The following TPCN1 variants were observed in gnomAD, a reference collection of about 807,000 sequenced individuals.
The protein encoded by TPCN1 is two pore channel protein 1.
TPCN1 carries 52 observed loss-of-function variants against 108.8 expected under a neutral mutation model. The observed-to-expected ratio is 0.48, with a 90% CI of 0.38 to 0.60. TPCN1 has a LOEUF of 0.60. TPCN1 is among the 20% of genes least tolerant of loss of function. The pLI, the probability that TPCN1 is intolerant of heterozygous loss-of-function variation, is 0.00. For missense variants in TPCN1, 806 were observed against 1,072.8 expected, an observed-to-expected ratio of 0.75 and a Z score of 3.47; for synonymous variants, 446 against 433.7, an observed-to-expected ratio of 1.03 and a Z score of -0.35.
intron 2 of TPCN1, among the ~76,000 whole-genome samples, chr12:113,235,805 T>C (rs1441137757): frequency 2.0e-5 from 3 of 152,074 alleles, no homozygotes; most frequent in Non-Finnish European, 4.4e-5. Flanking sequence ...GGAGATGGCG[T>C]GCTTCCTCTT....
Position 113,273,618 on chromosome 12 carries a change from GTCT to G in TPCN1, c.898_900del (p.Phe300del). The stretch of plus-strand genomic sequence containing the variant: ...CTACTCCCGGAACCCCTGGTCCTGC[GTCT>G]TCTTCATCGTGTACCTCTCCATCGA... On this transcript the variant is annotated inframe_deletion, in exon 10 of 28. Coordinates refer to ENST00000335509, the MANE Select transcript of TPCN1 (RefSeq NM_017901.6). The surrounding 1 kb of genome is among the most constrained non-coding windows in gnomAD (Gnocchi z 4.0). The G allele has an allele frequency of 6.2e-7, 1 of 1,614,184 alleles. No homozygotes were observed.
At chr12:113,228,482 G>A (rs1239425399) in intron 2 of TPCN1, among the ~76,000 whole-genome samples, 4 of 152,170 alleles carry the variant, frequency 2.6e-5, no homozygotes, top group African/African-American at 9.7e-5. Context: ...GGGTATGGTG[G>A]TGCATGCCTG....
intron 1 of TPCN1, among the ~76,000 whole-genome samples, chr12:113,222,539 C>T (rs1316299213): frequency 2.6e-5 from 4 of 152,184 alleles, no homozygotes; most frequent in African/African-American, 7.2e-5. Context: ...CAGACATTGC[C>T]GATGTCCCCA....
Position 113,290,174 on chromosome 12 carries a change from G to C in TPCN1, c.1843G>C (p.Gly615Arg), listed in dbSNP as rs765425007. The C allele has an allele frequency of 5.6e-6, 9 of 1,607,428 alleles. No individual in the cohort carries two copies. Among genetic ancestry groups the C allele is most frequent in the Non-Finnish European group, 7.6e-6 (9 of 1,176,882 alleles). Residue 615 changes from glycine to arginine, a missense_variant, in exon 22 of 28, where the codon GGC becomes CGC. Physicochemically the swap from Gly to Arg is moderately radical, Grantham distance 125. Coordinates refer to ENST00000335509, the MANE Select transcript of TPCN1 (RefSeq NM_017901.6). ...CTACCGCTGGCGCAACCACACCGTG[G>C]GCAACAGGACCGTGGTGGAGGAAGG... The part of the protein sequence containing the change: ...DAYRWRNHTV[G>R]NRTVVEEGYY...
chr12:113,244,651 G>T (rs1034717349), intron 2 of TPCN1: 40 of 985,322 alleles, frequency 4.1e-5, no homozygotes, highest in Admixed American at 3.1e-4. Flanking sequence ...CTTTCCCATG[G>T]TGTGGGGCTC....
chr12:113,295,813 C>G, intron 27 of TPCN1, 147 bp from the exon 28 acceptor site: 1 of 836,332 alleles, frequency 1.2e-6, no homozygotes, highest in Non-Finnish European at 1.8e-6. Flanking sequence ...CATTTCTGGG[C>G]CTGTGACGGG....
In TPCN1 at chr12:113,226,975, G is replaced by T. The variant is rs377766719; in HGVS notation, c.112+11G>T. 1 of 1,602,264 alleles carries T rather than the reference G, an allele frequency of 6.2e-7. No individual in the cohort carries two copies. Among genetic ancestry groups the T allele is most frequent in the Admixed American group, 1.7e-5 (1 of 57,398 alleles). On this transcript the variant is annotated intron_variant, in intron 2 of 27. Coordinates refer to ENST00000335509, the MANE Select transcript of TPCN1 (RefSeq NM_017901.6). Reference sequence around the variant, plus strand: ...AGCTACCTAGCAAAAGTAAGATGGTGGGGTGGGCTGGGGGGACCCCAGCTT... The same window carrying T: ...AGCTACCTAGCAAAAGTAAGATGGTTGGGTGGGCTGGGGGGACCCCAGCTT...
intron 2 of TPCN1, among the ~76,000 whole-genome samples, chr12:113,250,891 G>A (rs890739779): frequency 6.6e-6 from 1 of 151,984 alleles, no homozygotes; most frequent in Admixed American, 6.6e-5. Flanking sequence ...GCTTGAACCT[G>A]AGAAGTAGAG....
intron 2 of TPCN1, among the ~76,000 whole-genome samples, chr12:113,236,128 A>G (rs1953883570): frequency 6.6e-6 from 1 of 152,180 alleles, no homozygotes; most frequent in Non-Finnish European, 1.5e-5. Context: ...TTTTCAGGGT[A>G]GTGTCTGAAC....
Position 113,277,336 on chromosome 12 carries a change from C to G in TPCN1, c.1156C>G (p.Leu386Val), listed in dbSNP as rs755982736. Residue 386 changes from leucine to valine, a missense_variant, in exon 12 of 28, where the codon CTG (leucine) becomes GTG (valine). Transcript: ENST00000335509. ...GGAGCGCTATCTTACCTTCAAGGCC[C>G]TGAATCAGAACAACACACCCCTGCT... ...ARERYLTFKA[L>V]NQNNTPLLSL... is the part of the protein sequence containing the mutation. 2 of 1,614,186 alleles carry G rather than the reference C, an allele frequency of 1.2e-6. No individual in the cohort carries two copies. Among genetic ancestry groups the G allele is most frequent in the South Asian group, 1.1e-5 (1 of 91,086 alleles).
intron 2 of TPCN1, among the ~76,000 whole-genome samples, chr12:113,247,449 G>A (rs1359457162): frequency 1.3e-5 from 2 of 152,212 alleles, no homozygotes; most frequent in African/African-American, 4.8e-5. Flanking sequence ...CCGAGCCTTC[G>A]AGCATACCTT....
intron 2 of TPCN1, among the ~76,000 whole-genome samples, chr12:113,255,816 C>T (rs1402726934): frequency 6.6e-6 from 1 of 151,898 alleles, no homozygotes; most frequent in African/African-American, 2.4e-5. Context: ...AGGCATGAGC[C>T]ACTGTGCCTG....
rs770695289 is a variant in TPCN1, at chr12:113,284,543, T to A, written c.1343-38T>A. The stretch of plus-strand genomic sequence containing the variant: ...CGACCTGCAGATTTCTAAGCCCCCC[T>A]GTTATTTCTCTGTCTTTTACGGGCC... On this transcript the variant is annotated intron_variant, in intron 15 of 27. Transcript: ENST00000335509. The surrounding 1 kb of genome is among the most constrained non-coding windows in gnomAD (Gnocchi z 4.1). 4 of 1,612,294 alleles carry A rather than the reference T, an allele frequency of 2.5e-6. No homozygotes were observed. The Admixed American group carries it at 5.0e-5, about 20-fold the overall frequency.
Position 113,288,298 on chromosome 12 carries a change from G to A in TPCN1, c.1706+64G>A, listed in dbSNP as rs772908226. 8.7e-6 allele frequency: 14 copies of A among 1,608,646 alleles called. No homozygotes were observed. The highest frequency in any genetic ancestry group is 1.6e-4 in the Middle Eastern group (1 of 6,062). On this transcript the variant is annotated intron_variant, in intron 20 of 27. Transcript: ENST00000335509. The surrounding 1 kb of genome is among the most constrained non-coding windows in gnomAD (Gnocchi z 4.8). The stretch of plus-strand genomic sequence containing the variant: ...CCGTGTGGCAGTGCCCCGTGGGGGC[G>A]GGAGCCGAGTGGCAGTCGGGGGAAA...
intron 2 of TPCN1, among the ~76,000 whole-genome samples, chr12:113,236,620 GAAAA>G (rs1314335109): frequency 7.4e-6 from 1 of 135,238 alleles, no homozygotes; most frequent in Admixed American, 7.5e-5. Flanking sequence ...GTCTCAAAAA[GAAAA>G]AAAAAAAAAG....
At chr12:113,276,539 C>A (rs769099026) in intron 10 of TPCN1, among the ~76,000 whole-genome samples, 1 of 152,100 alleles carries the variant, frequency 6.6e-6, no homozygotes, top group African/African-American at 2.4e-5. Flanking sequence ...TGGCTGGAGT[C>A]GGACTGGGCT....
In TPCN1 at chr12:113,296,293, A is replaced by G. The variant is rs1956427746; in HGVS notation, c.*217A>G. On this transcript the variant is annotated 3_prime_UTR_variant, in exon 28 of 28. Coordinates refer to ENST00000335509, the MANE Select transcript of TPCN1 (RefSeq NM_017901.6). ...TTTGGTGAGGGGTGGGGGTGCGGCC[A>G]CCAGGTCTGAGCTCTTCCTACTGTG... The G allele has an allele frequency of 4.7e-6, 3 of 644,404 alleles. No individual in the cohort carries two copies. The highest frequency in any genetic ancestry group is 7.6e-6 in the Non-Finnish European group (3 of 394,168). The allele number at this position is 644,404 out of a possible 1,614,324, so 39.9% of individuals were successfully genotyped here. A position where few individuals can be genotyped will look rare whatever the true frequency, so the allele number is the denominator to read the frequency against.
chr12:113,266,228 G>A lies in TPCN1; in HGVS notation c.286G>A (p.Ala96Thr). The change falls in exon 4 of 28, where the codon GCG (alanine) becomes ACG (threonine). Residue 96 changes from alanine to threonine, a missense_variant. Transcript: ENST00000335509. This position sits in a 1 kb window ranked among gnomAD's most constrained non-coding sequence, Gnocchi z 4.2. ...CTTCACCCACCCCAAGGATGCCAAG[G>A]CGCTGGCGGCCTACCTCTTTGCACA... ...KFFTHPKDAK[A>T]LAAYLFAHNH... The A allele has an allele frequency of 6.2e-7, 1 of 1,614,146 alleles. No homozygotes were observed. Among genetic ancestry groups the A allele is most frequent in the Non-Finnish European group, 8.5e-7 (1 of 1,180,040 alleles).
At chr12:113,221,820 C>T (rs1331714927) in intron 1 of TPCN1, among the ~76,000 whole-genome samples, 194 bp downstream of exon 1, 1 of 152,190 alleles carries the variant, frequency 6.6e-6, no homozygotes, top group East Asian at 1.9e-4. Context: ...CACCCTCTCT[C>T]CTCGCCCCCG....
Sources: gnomAD v4.1 joint callset for allele counts (sites outside exome capture counted in the v4.1 genomes callset) on GRCh38, gnomAD v4.1.1 for gene constraint, Gnocchi (gnomAD v3.1) non-coding constraint, MANE v1.5 for transcripts, NCBI Gene and HGNC (gene_info 2026-07-23, HGNC 2026-07-21) for gene names.